The following RNF13 variants were observed in gnomAD, a reference collection of about 807,000 sequenced individuals.
RNF13 encodes E3 ubiquitin-protein ligase RNF13.
In RNF13, 19 loss-of-function variants were observed where a neutral mutation model predicts 37.7. That is an observed-to-expected ratio of 0.50 (90% confidence interval 0.35 to 0.74). RNF13 has a LOEUF of 0.74. Among genes scored for constraint, RNF13 ranks in the 30% least tolerant of loss-of-function variants. The pLI is 0.01. For missense variants in RNF13, 375 were observed against 453.0 expected, an observed-to-expected ratio of 0.83 and a Z score of 1.56; for synonymous variants, 144 against 157.8, an observed-to-expected ratio of 0.91 and a Z score of 0.65.
chr3:149,815,202 CT>C (rs1217237134), intron 1 of RNF13, among the ~76,000 whole-genome samples: 5 of 152,254 alleles, frequency 3.3e-5, no homozygotes, highest in African/African-American at 7.2e-5. Context: ...CAGGCACTAA[CT>C]TTAGCTAAGT....
At chr3:149,933,407 C>A (rs944541177) in intron 8 of RNF13, among the ~76,000 whole-genome samples, 1 of 152,056 alleles carries the variant, frequency 6.6e-6, no homozygotes, top group African/African-American at 2.4e-5. Context: ...ACATGGAAGC[C>A]ACCAAGGATT....
intron 8 of RNF13, among the ~76,000 whole-genome samples, chr3:149,933,277 TA>T (rs202175931): frequency 0.049 from 7,232 of 146,136 alleles, 237 homozygotes; most frequent in African/African-American, 0.083. Context: ...TTTTTTTTTT[TA>T]AATTGTCTTG....
intron 4 of RNF13, among the ~76,000 whole-genome samples, chr3:149,889,061 C>G (rs1226655388): frequency 6.6e-6 from 1 of 151,724 alleles, no homozygotes; most frequent in Non-Finnish European, 1.5e-5. Flanking sequence ...GCCTCAGCCT[C>G]CCGAGTAGCT....
At chr3:149,844,236 A>G (rs1576751235) in intron 1 of RNF13, among the ~76,000 whole-genome samples, 2 of 152,222 alleles carry the variant, frequency 1.3e-5, no homozygotes, top group African/African-American at 4.8e-5. Flanking sequence ...GGTTGTACTT[A>G]TGGCTGTGAT....
intron 8 of RNF13, among the ~76,000 whole-genome samples, chr3:149,944,910 C>T (rs552981349): frequency 0.013 from 1,938 of 152,162 alleles, 33 homozygotes; most frequent in African/African-American, 0.044. Context: ...ATGGTATTGC[C>T]TAGGTTTTCT....
intron 3 of RNF13, among the ~76,000 whole-genome samples, chr3:149,854,800 A>G (rs773406936): frequency 2.0e-5 from 3 of 152,194 alleles, no homozygotes; most frequent in Non-Finnish European, 4.4e-5. Flanking sequence ...TTACATGTCT[A>G]CTTCCAAATC....
At chr3:149,835,778 C>T (rs538687873) in intron 1 of RNF13, among the ~76,000 whole-genome samples, 1 of 151,686 alleles carries the variant, frequency 6.6e-6, no homozygotes, top group South Asian at 2.1e-4. Flanking sequence ...TTGTTATAAA[C>T]GTGTGTGCAA....
At chr3:149,838,451 A>T (rs983320077) in intron 1 of RNF13, among the ~76,000 whole-genome samples, 13 of 152,232 alleles carry the variant, frequency 8.5e-5, no homozygotes, top group Admixed American at 3.3e-4. Flanking sequence ...AGGCATTTCC[A>T]TACAGATTCT....
At chr3:149,891,728 G>C (rs1384827318) in intron 4 of RNF13, among the ~76,000 whole-genome samples, 1 of 151,936 alleles carries the variant, frequency 6.6e-6, no homozygotes, top group African/African-American at 2.4e-5. Context: ...TTTGGATTTA[G>C]ATTTGTTCAC....
At chr3:149,937,655 CTCT>C in intron 8 of RNF13, among the ~76,000 whole-genome samples, 1 of 151,916 alleles carries the variant, frequency 6.6e-6, no homozygotes, top group East Asian at 1.9e-4. Flanking sequence ...TTTAAAATTT[CTCT>C]TGAGATTTCT....
chr3:149,901,785 G>A (rs1403246009), intron 5 of RNF13, among the ~76,000 whole-genome samples: 4 of 152,100 alleles, frequency 2.6e-5, no homozygotes, highest in Non-Finnish European at 4.4e-5. Flanking sequence ...GTCTAGAGAG[G>A]AAGAAATCAA....
At chr3:149,858,476 A>G (rs1226671478) in intron 3 of RNF13, among the ~76,000 whole-genome samples, 2 of 152,218 alleles carry the variant, frequency 1.3e-5, no homozygotes, top group Non-Finnish European at 2.9e-5. Context: ...AAAAAATTGA[A>G]AACAAGATTT....
At chr3:149,911,859 A>G in intron 6 of RNF13, 119 bp from the exon 7 acceptor site, 1 of 636,790 alleles carries the variant, frequency 1.6e-6, no homozygotes, top group Non-Finnish European at 2.8e-6. Context: ...AAATGTATGT[A>G]GTGGATTTAA....
At chr3:149,922,496 A>G (rs1718243381) in intron 8 of RNF13, among the ~76,000 whole-genome samples, 1 of 152,208 alleles carries the variant, frequency 6.6e-6, no homozygotes, top group South Asian at 2.1e-4. Context: ...ATGCTTGTAA[A>G]TATTATCACC....
intron 1 of RNF13, among the ~76,000 whole-genome samples, chr3:149,825,791 T>A (rs996245442): frequency 2.6e-5 from 4 of 152,222 alleles, no homozygotes; most frequent in African/African-American, 9.6e-5. Context: ...TACTGACTTA[T>A]AATTCACATA....
chr3:149,859,560 C>T (rs1724009067), intron 3 of RNF13, among the ~76,000 whole-genome samples: 1 of 152,046 alleles, frequency 6.6e-6, no homozygotes, highest in African/African-American at 2.4e-5. Context: ...CAACACACTC[C>T]CTTCATTTTC....
intron 8 of RNF13, among the ~76,000 whole-genome samples, chr3:149,935,475 C>CTTTCTT (rs1719585338): frequency 6.6e-6 from 1 of 151,706 alleles, no homozygotes; most frequent in East Asian, 1.9e-4. Context: ...TCTCTTTCAC[C>CTTTCTT]TTTCTTTATG....
intron 1 of RNF13, among the ~76,000 whole-genome samples, chr3:149,833,327 C>T (rs1311304959): frequency 6.6e-6 from 1 of 151,996 alleles, no homozygotes; most frequent in East Asian, 1.9e-4. Context: ...ACCATTTTGG[C>T]CAGGCAGGCC....
At chr3:149,819,533 C>G (rs561347842) in intron 1 of RNF13, among the ~76,000 whole-genome samples, 2 of 152,254 alleles carry the variant, frequency 1.3e-5, no homozygotes, top group African/African-American at 4.8e-5. Flanking sequence ...TGTATAGCTC[C>G]TAACTTTAAG....
Sources: allele counts gnomAD v4.1 joint callset (sites outside exome capture counted in the v4.1 genomes callset), GRCh38; gene constraint gnomAD v4.1.1; transcripts MANE v1.5; gene names NCBI Gene and HGNC (gene_info 2026-07-23, HGNC 2026-07-21).